Variants in RELL1 observed in about 807,000 individuals in gnomAD.
RELL1 encodes RELT-like protein 1.
Under a neutral mutation model 23.0 loss-of-function variants are expected in RELL1, and 10 were observed. The observed-to-expected ratio is 0.43, with a 90% confidence interval of 0.27 to 0.74. The LOEUF (loss-of-function observed/expected upper bound fraction) is 0.74, where lower values mean the gene tolerates loss of function less well. RELL1 is among the 30% of genes least tolerant of loss of function. The pLI, the probability that RELL1 is intolerant of heterozygous loss-of-function variation, is 0.19. For missense variants in RELL1, 315 were observed against 364.4 expected, an observed-to-expected ratio of 0.86 and a Z score of 1.10; for synonymous variants, 146 against 146.8, an observed-to-expected ratio of 0.99 and a Z score of 0.04.
At chr4:37,639,061 A>G (rs1720432178) in intron 3 of RELL1, among the ~76,000 whole-genome samples, 1 of 152,204 alleles carries the variant, frequency 6.6e-6, no homozygotes, top group African/African-American at 2.4e-5. Context: ...TCAGGATCAT[A>G]TAAGCCCTTG....
At chr4:37,670,415 CAG>C (rs1367251340) in intron 1 of RELL1, among the ~76,000 whole-genome samples, 2 of 152,138 alleles carry the variant, frequency 1.3e-5, no homozygotes, top group African/African-American at 2.4e-5. Context: ...TGGTTGGAGG[CAG>C]AGACAGTGCT....
In RELL1 at chr4:37,649,289, C is replaced by G. The variant is rs1237997999; in HGVS notation, c.300G>C (p.Lys100Asn). Residue 100 changes from lysine (K) to asparagine (N), a missense_variant, in exon 2 of 7, where the codon AAG (lysine) becomes AAC (asparagine). Coordinates refer to ENST00000454158, the MANE Select transcript of RELL1 (RefSeq NM_001085400.2). ...CTGGTTATTTACCTATCTTTTCAACCTTTTCCTCTTCGATATCTTGCTCTG... is the reference window on the plus strand; with the variant it reads ...CTGGTTATTTACCTATCTTTTCAACGTTTTCCTCTTCGATATCTTGCTCTG... The part of the protein sequence containing the change: ...TEAEQDIEEE[K>N]VEKIELNDSV... 2 of 1,613,932 alleles carry G rather than the reference C, an allele frequency of 1.2e-6. No homozygotes were observed.
intron 1 of RELL1, 145 bp from the exon 2 acceptor site, chr4:37,649,645 A>G (rs1720830462): frequency 3.0e-6 from 2 of 667,946 alleles, no homozygotes; most frequent in East Asian, 5.4e-5. Context: ...TGCACAGGCA[A>G]AAGATAGCCC....
At chr4:37,597,854 C>T (rs1241976859) in intron 6 of RELL1, among the ~76,000 whole-genome samples, 6 of 151,838 alleles carry the variant, frequency 4.0e-5, no homozygotes, top group Non-Finnish European at 7.4e-5. Context: ...AGTTCAAGAC[C>T]AGCCGGGCCA....
intron 1 of RELL1, among the ~76,000 whole-genome samples, chr4:37,674,279 A>G (rs1721941805): frequency 6.6e-6 from 1 of 152,248 alleles, no homozygotes; most frequent in Admixed American, 6.5e-5. Context: ...CGATATCTCA[A>G]ATAAGAGAAA....
At chr4:37,654,354 A>G (rs1316305253) in intron 1 of RELL1, among the ~76,000 whole-genome samples, 1 of 152,224 alleles carries the variant, frequency 6.6e-6, no homozygotes, top group African/African-American at 2.4e-5. Context: ...ACCATCCCAG[A>G]AAGTTTTTTT....
At chr4:37,588,780 G>A, downstream of RELL1, 2 of 1,199,184 alleles carry the variant, frequency 1.7e-6, no homozygotes, top group Admixed American at 1.8e-5. Context: ...GAAAAAAAAA[G>A]GCAAACTTAA....
intron 6 of RELL1, among the ~76,000 whole-genome samples, chr4:37,597,805 CT>C (rs2109481077): frequency 6.6e-6 from 1 of 152,094 alleles, no homozygotes; most frequent in African/African-American, 2.4e-5. Flanking sequence ...AATCCCAGCA[CT>C]TTGGGAGGCC....
chr4:37,680,529 T>C (rs1239262363), intron 1 of RELL1, among the ~76,000 whole-genome samples: 1 of 152,160 alleles, frequency 6.6e-6, no homozygotes, highest in African/African-American at 2.4e-5. Flanking sequence ...TTTGGGTGTA[T>C]AGGGAAATAG....
chr4:37,588,612 A>G (rs1439030514), downstream of RELL1: 6 of 469,338 alleles, frequency 1.3e-5, no homozygotes, highest in Non-Finnish European at 1.2e-5. Context: ...GGTTGGGAGA[A>G]AGGTCTGACA....
At chr4:37,604,358 T>A (rs77070986) in intron 6 of RELL1, among the ~76,000 whole-genome samples, 17,696 of 152,030 alleles carry the variant, frequency 0.12, 1,154 homozygotes, top group East Asian at 0.28. Context: ...CAACTATAAA[T>A]CGGGATTGGA....
intron 1 of RELL1, among the ~76,000 whole-genome samples, chr4:37,657,764 T>C (rs1437701209): frequency 1.3e-5 from 2 of 151,984 alleles, no homozygotes; most frequent in Non-Finnish European, 2.9e-5. Flanking sequence ...AAAAATAAGA[T>C]AGCTAGGAGT....
At chr4:37,594,358 A>T (rs1005297870) in intron 6 of RELL1, among the ~76,000 whole-genome samples, 2 of 152,222 alleles carry the variant, frequency 1.3e-5, no homozygotes, top group Admixed American at 6.5e-5. Flanking sequence ...CTTTTCAAAC[A>T]TTGTGGACAA....
At chr4:37,594,272 G>A (rs1280871847) in intron 6 of RELL1, among the ~76,000 whole-genome samples, 1 of 152,174 alleles carries the variant, frequency 6.6e-6, no homozygotes, top group African/African-American at 2.4e-5. Flanking sequence ...GTCTGAGCAC[G>A]CTTATGTGTG....
chr4:37,595,959 C>T (rs182450171), intron 6 of RELL1, among the ~76,000 whole-genome samples: 3 of 152,264 alleles, frequency 2.0e-5, no homozygotes, highest in Admixed American at 1.3e-4. Flanking sequence ...TAATGACATC[C>T]AGATCTCACC....
At chr4:37,665,735 G>T (rs1186136498) in intron 1 of RELL1, among the ~76,000 whole-genome samples, 1 of 152,162 alleles carries the variant, frequency 6.6e-6, no homozygotes, top group Non-Finnish European at 1.5e-5. Context: ...GAAGAAATGG[G>T]GTCAAAGGGG....
At chr4:37,618,413 T>G (rs1294967525) in intron 6 of RELL1, among the ~76,000 whole-genome samples, 1 of 152,096 alleles carries the variant, frequency 6.6e-6, no homozygotes, top group Non-Finnish European at 1.5e-5. Context: ...ATTTATTTAT[T>G]TTTTTAAGTA....
chr4:37,627,645 C>T (rs1393007048), intron 6 of RELL1, among the ~76,000 whole-genome samples: 2 of 152,098 alleles, frequency 1.3e-5, no homozygotes, highest in Non-Finnish European at 2.9e-5. Context: ...GTCTTGATAA[C>T]ATTCTATTTA....
chr4:37,664,557 T>C lies in RELL1; in HGVS notation c.89-15057A>G, dbSNP rs115405163. On this transcript the variant is annotated intron_variant, in intron 1 of 6. Coordinates refer to ENST00000454158, the MANE Select transcript of RELL1 (RefSeq NM_001085400.2). Reference sequence around the variant, plus strand: ...ACAAACATAATTTGTACTAGCAATGTTAATTACATGGCATCTAAAAATCTT... The same window carrying C: ...ACAAACATAATTTGTACTAGCAATGCTAATTACATGGCATCTAAAAATCTT... Among the ~76,000 whole-genome samples, 836 of 152,198 alleles carry C rather than the reference T, an allele frequency of 5.5e-3. 11 individuals carry two copies. Among genetic ancestry groups the C allele is most frequent in the African/African-American group, 0.019 (802 of 41,500 alleles).
Sources: allele counts gnomAD v4.1 joint callset (sites outside exome capture counted in the v4.1 genomes callset), GRCh38; gene constraint gnomAD v4.1.1; transcripts MANE v1.5; gene names NCBI Gene and HGNC (gene_info 2026-07-23, HGNC 2026-07-21).